Variants in FGF2 observed in about 807,000 individuals in gnomAD.
FGF2 encodes basic fibroblast growth factor bFGF.
FGF2 carries 13 observed loss-of-function variants against 15.9 expected under a neutral mutation model. The ratio of observed to expected loss-of-function variants is 0.82; its 90% CI spans 0.53 to 1.30. The LOEUF is 1.30. FGF2 is among the 50% of genes most tolerant of loss of function. The probability of loss-of-function intolerance (pLI) is 0.00; values close to 1 mark genes in which losing one functional copy is unlikely to be tolerated. For synonymous variants in FGF2, 90 were observed against 78.4 expected (o/e 1.15, Z -0.78); for missense variants, 163 against 196.9 (o/e 0.83, Z 1.03).
chr4:122,876,009 A>G (rs1419181882), intron 1 of FGF2, among the ~76,000 whole-genome samples: 1 of 152,198 alleles, frequency 6.6e-6, no homozygotes, highest in Admixed American at 6.5e-5. Context: ...CTAACTGCCC[A>G]ACAAAGGAAA....
At chr4:122,849,230 AAGAAAATGTGGCAC>A (rs1726177498) in intron 1 of FGF2, among the ~76,000 whole-genome samples, 1 of 152,226 alleles carries the variant, frequency 6.6e-6, no homozygotes, top group Non-Finnish European at 1.5e-5. Context: ...AGACTAGATA[AAGAAAATGTGGCAC>A]ATACATACCA....
chr4:122,831,000 C>G (rs947132607), intron 1 of FGF2, among the ~76,000 whole-genome samples: 3 of 152,002 alleles, frequency 2.0e-5, no homozygotes, highest in African/African-American at 7.2e-5. Context: ...GTAGGTGGGC[C>G]TGACCCCTGG....
chr4:122,872,091 T>C (rs1362643945), intron 1 of FGF2, among the ~76,000 whole-genome samples: 2 of 152,096 alleles, frequency 1.3e-5, no homozygotes, highest in African/African-American at 4.8e-5. Flanking sequence ...AAAAGGAGCA[T>C]GTTCTAAACC....
At chr4:122,849,344 C>T (rs1390385780) in intron 1 of FGF2, among the ~76,000 whole-genome samples, 1 of 152,080 alleles carries the variant, frequency 6.6e-6, no homozygotes, top group Non-Finnish European at 1.5e-5. Context: ...AGCAAACTAA[C>T]ACAAGAACAG....
chr4:122,847,625 C>CTATCTA (rs1180101614), intron 1 of FGF2, among the ~76,000 whole-genome samples: 1 of 135,322 alleles, frequency 7.4e-6, no homozygotes, highest in Non-Finnish European at 1.5e-5. Flanking sequence ...ATCTATCTAT[C>CTATCTA]TATCTATCTA....
intron 1 of FGF2, among the ~76,000 whole-genome samples, chr4:122,857,227 TGATGCTCA>T (rs2150774265): frequency 6.6e-6 from 1 of 152,258 alleles, no homozygotes; most frequent in African/African-American, 2.4e-5. Context: ...AGCCTTTCCG[TGATGCTCA>T]GATAGTCAGA....
At chr4:122,868,961 GGTT>G (rs1416392840) in intron 1 of FGF2, among the ~76,000 whole-genome samples, 3 of 151,974 alleles carry the variant, frequency 2.0e-5, no homozygotes, top group African/African-American at 7.3e-5. Context: ...TTTTTGATGA[GGTT>G]GTTTTTTTCT....
intron 1 of FGF2, among the ~76,000 whole-genome samples, chr4:122,847,603 C>CTCTATCTATCTA (rs34233719): frequency 0.015 from 2,163 of 141,986 alleles, 26 homozygotes; most frequent in Non-Finnish European, 0.022. Context: ...TAGGAGATCA[C>CTCTATCTATCTA]TCTATCTATC....
chr4:122,853,348 T>A (rs1404316010), intron 1 of FGF2, among the ~76,000 whole-genome samples: 1 of 152,204 alleles, frequency 6.6e-6, no homozygotes, highest in Admixed American at 6.5e-5. Context: ...TACTATTGTA[T>A]GCCCTCCACC....
At chr4:122,839,625 A>C (rs1473157789) in intron 1 of FGF2, among the ~76,000 whole-genome samples, 3 of 152,170 alleles carry the variant, frequency 2.0e-5, no homozygotes, top group African/African-American at 7.2e-5. Context: ...AACCAGGCCC[A>C]GGTGTTAGAG....
rs1250240864 is a variant in FGF2, at chr4:122,892,345, A to G, written c.417A>G (p.Thr139=). 8 of 1,614,190 alleles carry G rather than the reference A, an allele frequency of 5.0e-6. No homozygotes were observed. The highest frequency in any genetic ancestry group is 2.2e-5 in the South Asian group (2 of 91,088). ...RTGQYKLGSK[T]GPGQKAILFL... is the part of the protein sequence containing the mutation. Reference sequence around the variant, plus strand: ...GGCAGTATAAACTTGGATCCAAAACAGGACCTGGGCAGAAAGCTATACTTT... The same window carrying G: ...GGCAGTATAAACTTGGATCCAAAACGGGACCTGGGCAGAAAGCTATACTTT... Residue 139 remains threonine, a synonymous_variant, in exon 3 of 3, where the codon ACA becomes ACG. Coordinates refer to ENST00000644866, the MANE Select transcript of FGF2 (RefSeq NM_001361665.2).
At chr4:122,868,657 A>G (rs897127818) in intron 1 of FGF2, among the ~76,000 whole-genome samples, 14 of 152,184 alleles carry the variant, frequency 9.2e-5, no homozygotes, top group African/African-American at 3.4e-4. Flanking sequence ...TGCTGGGTCA[A>G]ATGGTATTTC....
rs1417786922 is a variant in FGF2 at position 122,893,496 on chromosome 4, C to G, written c.*1100C>G. ...TACCTGTACATTTTTGGGGTCAGCT[C>G]TTTTTAACTTCTTGCTGCTCTTTTT... On this transcript the variant is annotated 3_prime_UTR_variant, in exon 3 of 3. Transcript: ENST00000644866. The G allele has an allele frequency of 3.3e-6, 1 of 304,388 alleles. No individual in the cohort carries two copies. Among genetic ancestry groups the G allele is most frequent in the Admixed American group, 4.8e-5 (1 of 20,938 alleles). 18.9% of individuals were successfully genotyped at this position (304,388 alleles called of 1,614,324 possible). A position where few individuals can be genotyped will look rare whatever the true frequency, so the allele number is the denominator to read the frequency against.
At chr4:122,852,064 A>G (rs927048595) in intron 1 of FGF2, among the ~76,000 whole-genome samples, 4 of 152,186 alleles carry the variant, frequency 2.6e-5, no homozygotes, top group African/African-American at 7.2e-5. Flanking sequence ...CTCAAAGCTT[A>G]TATCTTATCT....
chr4:122,884,988 C>T (rs551699437), intron 2 of FGF2, among the ~76,000 whole-genome samples: 1 of 152,232 alleles, frequency 6.6e-6, no homozygotes, highest in South Asian at 2.1e-4. Flanking sequence ...ATTGAAAATA[C>T]AAGTTAGTTA....
intron 1 of FGF2, among the ~76,000 whole-genome samples, chr4:122,857,178 A>C (rs1468767289): frequency 1.3e-5 from 2 of 152,170 alleles, no homozygotes; most frequent in African/African-American, 4.8e-5. Context: ...TACCTCCACA[A>C]ACCAGGCCAA....
rs565339322 is a variant in FGF2, at chr4:122,839,731, T to C, written c.178+12379T>C. 5.3e-5 allele frequency among the ~76,000 whole-genome samples: 8 copies of C among 152,310 alleles called. No individual in the cohort carries two copies. The East Asian group carries it at 1.5e-3, about 29-fold the overall frequency. ...GCACATTCACACTTGTGCCGGTCAC[T>C]GCAATCTTGCTGCAGCTTGTCTAGT... On this transcript the variant is annotated intron_variant, in intron 1 of 2. Coordinates refer to ENST00000644866, the MANE Select transcript of FGF2 (RefSeq NM_001361665.2).
intron 1 of FGF2, among the ~76,000 whole-genome samples, chr4:122,850,683 T>A (rs1044435045): frequency 1.3e-5 from 2 of 152,168 alleles, no homozygotes; most frequent in Non-Finnish European, 2.9e-5. Flanking sequence ...CAGACATTCA[T>A]ATTCAAAACT....
At chr4:122,833,133 A>T (rs1725796869) in intron 1 of FGF2, among the ~76,000 whole-genome samples, 1 of 151,860 alleles carries the variant, frequency 6.6e-6, no homozygotes, top group Non-Finnish European at 1.5e-5. Flanking sequence ...TTTTGACTTG[A>T]CCGGTGTATC....
Sources: gnomAD v4.1 joint callset for allele counts (sites outside exome capture counted in the v4.1 genomes callset) on GRCh38, gnomAD v4.1.1 for gene constraint, MANE v1.5 for transcripts, NCBI Gene and HGNC (gene_info 2026-07-23, HGNC 2026-07-21) for gene names.